Variants in NEB observed in about 807,000 individuals in gnomAD.
NEB encodes the protein nebulin, also known as nemaline myopathy type 2.
In NEB, 512 loss-of-function variants were observed where a neutral mutation model predicts 952.2. That is an observed-to-expected ratio of 0.54 (90% CI 0.50 to 0.58). The LOEUF is 0.58. Ranked by LOEUF, NEB falls within the 20% of genes least tolerant of loss-of-function variation. The probability of loss-of-function intolerance (pLI) is 0.00; values close to 1 mark genes in which losing one functional copy is unlikely to be tolerated. For missense variants in NEB, 8,428 were observed against 9,231.1 expected, an observed-to-expected ratio of 0.91 and a Z score of 3.56; for synonymous variants, 2,900 against 3,149.8, an observed-to-expected ratio of 0.92 and a Z score of 2.66.
At chr2:151,611,655 AATG>A (rs563241688) in intron 78 of NEB, among the ~76,000 whole-genome samples, 115 of 152,316 alleles carry the variant, frequency 7.6e-4, no homozygotes, top group Non-Finnish European at 1.4e-3. Flanking sequence ...GGATGAAACA[AATG>A]ATCATCTATC....
intron 6 of NEB, 125 bp from the exon 7 acceptor site, chr2:151,725,086 T>A: frequency 1.4e-6 from 1 of 716,344 alleles, no homozygotes. Context: ...GCATAGTTTC[T>A]GCATTTTAGC....
At chr2:151,674,125 TA>T (rs1292719278) in intron 36 of NEB, among the ~76,000 whole-genome samples, 1 of 152,236 alleles carries the variant, frequency 6.6e-6, no homozygotes, top group African/African-American at 2.4e-5. Flanking sequence ...TCAATCTTTT[TA>T]ATACAATTAT....
chr2:151,566,641 C>T (rs1326790897), intron 114 of NEB, among the ~76,000 whole-genome samples: 2 of 152,178 alleles, frequency 1.3e-5, no homozygotes, highest in Non-Finnish European at 2.9e-5. Context: ...TATTCTCTAT[C>T]CTAGCTTTAC....
intron 181 of NEB, among the ~76,000 whole-genome samples, chr2:151,489,448 G>A (rs920718596): frequency 1.1e-4 from 16 of 152,152 alleles, no homozygotes; most frequent in African/African-American, 3.1e-4. Context: ...ATCCAGGCTG[G>A]AGTACAGTGG....
intron 178 of NEB, 21 bp from the exon 179 acceptor site, chr2:151,491,796 C>T: frequency 6.5e-7 from 1 of 1,546,120 alleles, no homozygotes; most frequent in Non-Finnish European, 8.8e-7. Flanking sequence ...AACCAGTGAT[C>T]AGAACAAGTG....
At chr2:151,682,997 A>T (rs2099435778) in intron 28 of NEB, among the ~76,000 whole-genome samples, 1 of 152,082 alleles carries the variant, frequency 6.6e-6, no homozygotes, top group African/African-American at 2.4e-5. Flanking sequence ...TTCCAACTTA[A>T]TGGAAGTCTG....
At chr2:151,544,219 T>C (rs1218977479) in intron 135 of NEB, among the ~76,000 whole-genome samples, 1 of 152,156 alleles carries the variant, frequency 6.6e-6, no homozygotes, top group Non-Finnish European at 1.5e-5. Context: ...CTCTGGGAAC[T>C]GGGAAGAGGA....
At chr2:151,503,914 T>C (rs1199892833) in intron 165 of NEB, among the ~76,000 whole-genome samples, 1 of 152,182 alleles carries the variant, frequency 6.6e-6, no homozygotes, top group Non-Finnish European at 1.5e-5. Flanking sequence ...TCCTAATCTG[T>C]AGGAGCCTAG....
chr2:151,689,601 G>T (rs1379948128), intron 24 of NEB: 1 of 152,174 alleles, frequency 6.6e-6, no homozygotes, highest in African/African-American at 2.4e-5. Context: ...AACGGATGAG[G>T]CTGTTTAATT....
At chr2:151,658,494 TA>T (rs140332440) in intron 47 of NEB, among the ~76,000 whole-genome samples, 3 of 150,472 alleles carry the variant, frequency 2.0e-5, no homozygotes, top group African/African-American at 4.9e-5. Flanking sequence ...AATCTACAAT[TA>T]AAAAAAAAGG....
intron 12 of NEB, 97 bp from the exon 13 acceptor site, chr2:151,707,094 C>G (rs1034384063): frequency 2.6e-6 from 2 of 767,502 alleles, no homozygotes; most frequent in Non-Finnish European, 4.1e-6. Flanking sequence ...TCAATTTTCT[C>G]TTTAGAAAAA....
rs374468605 is a variant in NEB at position 151,619,546 on chromosome 2, C to T, written c.10777G>A (p.Asp3593Asn). The part of the protein sequence containing the change: ...LAKKCQTLVS[D>N]VDYKHPLHEW... ...TGCAGAGGATGTTTATAGTCCACATCGCTGACCAAGGTCTGACACTTCTTG... is the reference window on the plus strand; with the variant it reads ...TGCAGAGGATGTTTATAGTCCACATTGCTGACCAAGGTCTGACACTTCTTG... The change falls in exon 73 of 182, where the codon GAT (aspartate) becomes AAT (asparagine). Residue 3593 changes from aspartate to asparagine, a missense_variant. Transcript: ENST00000397345. 1.1e-5 allele frequency: 18 copies of T among 1,613,946 alleles called. 1 individual carries two copies. The highest frequency in any genetic ancestry group is 6.6e-5 in the South Asian group (6 of 91,088).
intron 105 of NEB, among the ~76,000 whole-genome samples, chr2:151,578,639 GAAGGAGGGAAGGAGGGAAAGAGAC>G (rs1049293325): frequency 1.3e-5 from 2 of 151,260 alleles, no homozygotes; most frequent in African/African-American, 2.4e-5. Context: ...CAGGGCAAGG[GAAGGAGGGAAGGAGGGAAAGAGAC>G]AAGGAGGGAA....
intron 129 of NEB, among the ~76,000 whole-genome samples, chr2:151,550,616 T>A (rs2095262184): frequency 6.6e-6 from 1 of 152,136 alleles, no homozygotes; most frequent in Non-Finnish European, 1.5e-5. Context: ...AAGAATTACA[T>A]TTAAAATATG....
At chr2:151,502,740 T>C (rs1050359582) in intron 167 of NEB, 53 bp downstream of exon 167, 1 of 978,122 alleles carries the variant, frequency 1.0e-6, no homozygotes, top group Non-Finnish European at 1.6e-6. Context: ...TAAGGTGTTA[T>C]TATTTTAAAT....
At chr2:151,669,588 A>G (rs969180315) in intron 38 of NEB, among the ~76,000 whole-genome samples, 11 of 152,110 alleles carry the variant, frequency 7.2e-5, no homozygotes, top group African/African-American at 2.7e-4. Context: ...TGAGGCTGGA[A>G]ATGGCCTGGC....
intron 10 of NEB, among the ~76,000 whole-genome samples, chr2:151,715,078 G>A (rs1352228569): frequency 6.6e-6 from 1 of 152,186 alleles, no homozygotes; most frequent in Non-Finnish European, 1.5e-5. Context: ...CCTCCCCTTA[G>A]CTCATATTAT....
At chr2:151,509,262 C>T (rs1473974009) in intron 161 of NEB, among the ~76,000 whole-genome samples, 2 of 152,214 alleles carry the variant, frequency 1.3e-5, no homozygotes, top group African/African-American at 4.8e-5. Flanking sequence ...GGTAGTTCAT[C>T]ATGAACAAAT....
At chr2:151,489,194 C>T (rs2053940493) in intron 181 of NEB, among the ~76,000 whole-genome samples, 1 of 152,130 alleles carries the variant, frequency 6.6e-6, no homozygotes, top group African/African-American at 2.4e-5. Flanking sequence ...TTAATAAAGA[C>T]AGTTGTCTTC....
Sources: allele counts gnomAD v4.1 joint callset (sites outside exome capture counted in the v4.1 genomes callset), GRCh38; gene constraint gnomAD v4.1.1; transcripts MANE v1.5; gene names NCBI Gene and HGNC (gene_info 2026-07-23, HGNC 2026-07-21).